Variants in STK3 observed in about 807,000 individuals in gnomAD.
STK3 encodes serine/threonine kinase 3.
In STK3, 41 loss-of-function variants were observed where a neutral mutation model predicts 58.0. The observed-to-expected ratio is 0.71, with a 90% CI of 0.55 to 0.92. The LOEUF (loss-of-function observed/expected upper bound fraction) is 0.92, where lower values mean the gene tolerates loss of function less well. Among genes scored for constraint, STK3 ranks in the 40% least tolerant of loss-of-function variants. STK3 has a pLI of 0.00. For synonymous variants in STK3, 170 were observed against 191.0 expected (o/e 0.89, Z 0.91); for missense variants, 479 against 602.7 (o/e 0.79, Z 2.15).
At chr8:98,777,784 T>A (rs1831800765) in intron 1 of STK3, among the ~76,000 whole-genome samples, 1 of 152,166 alleles carries the variant, frequency 6.6e-6, no homozygotes, top group Non-Finnish European at 1.5e-5. Context: ...GGGGAAAGGA[T>A]TCCCTATTTA....
At position 98,455,689 on chromosome 8, in the gene STK3, T is replaced by C; in HGVS notation, c.*153A>G. 4.8e-6 allele frequency: 4 copies of C among 835,160 alleles called. No individual in the cohort carries two copies. The highest frequency in any genetic ancestry group is 7.3e-6 in the Non-Finnish European group (4 of 546,658). The allele number at this position is 835,160 out of a possible 1,614,324, so 51.7% of individuals were successfully genotyped here. ...GCAGATACAACTGTCAATTCTGCCT[T>C]TTGGGAATTTACCTGGGCATGTACC... is the stretch of plus-strand genomic sequence containing the variant. On this transcript the variant is annotated 3_prime_UTR_variant, in exon 11 of 11. Transcript: ENST00000419617.
intron 10 of STK3, among the ~76,000 whole-genome samples, chr8:98,471,902 C>G (rs1449869845): frequency 6.6e-6 from 1 of 152,156 alleles, no homozygotes. Flanking sequence ...ATGAAGAAAT[C>G]TGGTGAGTAC....
intron 9 of STK3, among the ~76,000 whole-genome samples, chr8:98,532,891 A>C (rs147552784): frequency 0.011 from 1,661 of 152,210 alleles, 25 homozygotes; most frequent in African/African-American, 0.037. Context: ...GTTTTTATGA[A>C]TCTTACTACT....
rs375234412 is a variant in STK3 at position 98,384,407 on chromosome 8, T to C, written n.56+3785A>G. The stretch of plus-strand genomic sequence containing the variant: ...CTTTTGTTGCTTTGTCTTTCATTGC[T>C]TCGTTCTTTCGTTGATTTGTTTCTG... On this transcript the variant is annotated intron_variant and non_coding_transcript_variant, in intron 1 of 2. Transcript: ENST00000518704. Among the ~76,000 whole-genome samples the C allele has an allele frequency of 3.9e-5, 6 of 152,374 alleles. No homozygotes were observed. In the South Asian group the frequency reaches 6.2e-4, roughly 16 times the overall value.
intron 6 of STK3, among the ~76,000 whole-genome samples, chr8:98,680,883 A>T (rs1202018319): frequency 3.3e-5 from 5 of 152,214 alleles, no homozygotes; most frequent in African/African-American, 1.2e-4. Flanking sequence ...GAGTATAAAA[A>T]GAAACTGAAC....
chr8:98,905,746 T>G, intron 1 of STK3: 4 of 498,476 alleles, frequency 8.0e-6, no homozygotes, highest in Non-Finnish European at 1.1e-5. Context: ...TCGTTTGTCT[T>G]GATAAAAGAA....
intron 6 of STK3, among the ~76,000 whole-genome samples, chr8:98,659,863 A>T (rs1232686534): frequency 1.3e-5 from 2 of 151,574 alleles, no homozygotes; most frequent in African/African-American, 4.9e-5. Flanking sequence ...GAAGTAGCTT[A>T]AAAAAACAAA....
chr8:98,525,760 C>G (rs1825698730), intron 10 of STK3, among the ~76,000 whole-genome samples: 1 of 151,790 alleles, frequency 6.6e-6, no homozygotes, highest in African/African-American at 2.4e-5. Context: ...ACTTTATTAT[C>G]TGATTATTTA....
At chr8:98,585,236 G>A (rs1186814137) in intron 7 of STK3, among the ~76,000 whole-genome samples, 9 of 151,878 alleles carry the variant, frequency 5.9e-5, no homozygotes, top group East Asian at 1.9e-4. Context: ...TAGGTCTAAC[G>A]TTTAAGTCTT....
chr8:98,360,511 C>A, the STK3 span, among the ~76,000 whole-genome samples: 11 of 144,950 alleles, frequency 7.6e-5, no homozygotes, highest in African/African-American at 2.2e-4. Context: ...GAGCCAATTT[C>A]TTTCTTTTTT....
At chr8:98,370,116 T>C (rs1266936497), downstream of STK3, among the ~76,000 whole-genome samples, 1 of 142,784 alleles carries the variant, frequency 7.0e-6, no homozygotes, top group Admixed American at 7.2e-5. Context: ...TTTTACAAGC[T>C]GGGAAGCAGC....
At chr8:98,547,113 G>C (rs1810761814) in intron 9 of STK3, among the ~76,000 whole-genome samples, 2 of 152,204 alleles carry the variant, frequency 1.3e-5, no homozygotes, top group Non-Finnish European at 2.9e-5. Flanking sequence ...TAGAAGTCAT[G>C]TAATTCTGCT....
chr8:98,774,938 A>G (rs561571336), intron 1 of STK3, 119 bp from the exon 2 acceptor site: 1 of 614,388 alleles, frequency 1.6e-6, no homozygotes. Context: ...GAAGACTCAA[A>G]CAATATAAAA....
At chr8:98,741,437 A>T (rs1182543004) in intron 4 of STK3, among the ~76,000 whole-genome samples, 1 of 152,244 alleles carries the variant, frequency 6.6e-6, no homozygotes, top group Non-Finnish European at 1.5e-5. Context: ...CAGGATTAAG[A>T]CACTCACTCA....
chr8:98,925,178 C>G (rs935796270), intron 1 of STK3, among the ~76,000 whole-genome samples: 6 of 152,210 alleles, frequency 3.9e-5, no homozygotes, highest in Non-Finnish European at 5.9e-5. Context: ...TGCTACTTCT[C>G]TCTATGTGCA....
At chr8:98,550,399 G>A (rs911742309) in intron 8 of STK3, among the ~76,000 whole-genome samples, 1 of 152,064 alleles carries the variant, frequency 6.6e-6, no homozygotes, top group African/African-American at 2.4e-5. Flanking sequence ...AATACTTAAA[G>A]ATGTCTAAAA....
chr8:98,571,695 T>C (rs1812983010), intron 8 of STK3, among the ~76,000 whole-genome samples: 1 of 152,180 alleles, frequency 6.6e-6, no homozygotes, highest in African/African-American at 2.4e-5. Flanking sequence ...CATTAATAAG[T>C]TAATATGAAG....
At chr8:98,684,880 A>G (rs1823879430) in intron 6 of STK3, among the ~76,000 whole-genome samples, 1 of 152,240 alleles carries the variant, frequency 6.6e-6, no homozygotes, top group Non-Finnish European at 1.5e-5. Context: ...GATGAAACAG[A>G]ATAGAATACT....
At chr8:98,540,370 A>G (rs1334344798) in intron 9 of STK3, among the ~76,000 whole-genome samples, 1 of 152,214 alleles carries the variant, frequency 6.6e-6, no homozygotes, top group African/African-American at 2.4e-5. Context: ...AGCGACTGTT[A>G]CAATACATAC....
Sources: allele counts gnomAD v4.1 joint callset (sites outside exome capture counted in the v4.1 genomes callset), GRCh38; gene constraint gnomAD v4.1.1; transcripts MANE v1.5; gene names NCBI Gene and HGNC (gene_info 2026-07-23, HGNC 2026-07-21).